TTC3: variants seen among roughly 807,000 people sequenced by gnomAD.
TTC3 encodes the protein E3 ubiquitin-protein ligase TTC3.
TTC3 carries 180 observed loss-of-function variants against 249.6 expected under a neutral mutation model. The observed-to-expected ratio is 0.72, with a 90% CI of 0.64 to 0.82. The LOEUF is 0.82. Among genes scored for constraint, TTC3 ranks in the 40% least tolerant of loss-of-function variants. TTC3 has a pLI of 0.00. For synonymous variants in TTC3, 717 were observed against 805.0 expected (o/e 0.89, Z 1.85); for missense variants, 2,061 against 2,398.4 (o/e 0.86, Z 2.94).
At chr21:37,095,227 A>C in intron 8 of TTC3, 123 bp from the exon 9 acceptor site, 1 of 641,408 alleles carries the variant, frequency 1.6e-6, no homozygotes, top group East Asian at 2.7e-5. Flanking sequence ...TTTTCTACAT[A>C]AATAATCCCC....
chr21:37,120,878 T>C (rs1447385379), intron 11 of TTC3, among the ~76,000 whole-genome samples: 1 of 152,214 alleles, frequency 6.6e-6, no homozygotes, highest in East Asian at 1.9e-4. Context: ...CTTTGTGAAA[T>C]GTGTAGTGAA....
At chr21:37,101,776 T>C (rs1415011797) in intron 10 of TTC3, among the ~76,000 whole-genome samples, 1 of 151,562 alleles carries the variant, frequency 6.6e-6, no homozygotes, top group Non-Finnish European at 1.5e-5. Context: ...GTTGTACATC[T>C]TGCTTTTTTT....
At chr21:37,156,313 G>T (rs1393375323) in intron 27 of TTC3, among the ~76,000 whole-genome samples, 8 of 151,824 alleles carry the variant, frequency 5.3e-5, no homozygotes, top group Non-Finnish European at 8.8e-5. Flanking sequence ...CTGGGGTTAC[G>T]GGCCTAAGCC....
intron 16 of TTC3, 51 bp downstream of exon 16, chr21:37,129,114 A>G (rs1277279645): frequency 3.7e-6 from 5 of 1,354,966 alleles, no homozygotes; most frequent in Non-Finnish European, 5.0e-6. Context: ...TACTCTTCCC[A>G]AGAAAAAGGA....
At chr21:37,167,128 A>G (rs2081318720) in intron 33 of TTC3, among the ~76,000 whole-genome samples, 2 of 152,192 alleles carry the variant, frequency 1.3e-5, no homozygotes, top group Admixed American at 6.5e-5. Flanking sequence ...TCTGACCTAC[A>G]CAGGCCCAGC....
intron 27 of TTC3, among the ~76,000 whole-genome samples, chr21:37,154,470 A>G (rs2079799246): frequency 6.6e-6 from 1 of 152,218 alleles, no homozygotes; most frequent in Non-Finnish European, 1.5e-5. Flanking sequence ...TTAAGTGACA[A>G]GATTGTCACT....
intron 11 of TTC3, among the ~76,000 whole-genome samples, chr21:37,119,117 G>T (rs1326410576): frequency 6.6e-6 from 1 of 152,112 alleles, no homozygotes; most frequent in Admixed American, 6.6e-5. Context: ...TACCTTGTTT[G>T]GTGCTGGATA....
At chr21:37,114,668 C>A (rs1052884264) in intron 11 of TTC3, among the ~76,000 whole-genome samples, 4 of 152,044 alleles carry the variant, frequency 2.6e-5, no homozygotes, top group Non-Finnish European at 5.9e-5. Flanking sequence ...TTGACCCAGC[C>A]ATCCCATTAC....
intron 10 of TTC3, 67 bp from the exon 11 acceptor site, chr21:37,108,325 A>T: frequency 5.4e-6 from 7 of 1,306,530 alleles, no homozygotes; most frequent in Non-Finnish European, 7.4e-6. Context: ...CAAAGTACAC[A>T]TATGCAAGAT....
chr21:37,131,255 G>C (rs180791653), intron 16 of TTC3, among the ~76,000 whole-genome samples: 3 of 152,138 alleles, frequency 2.0e-5, no homozygotes, highest in Non-Finnish European at 4.4e-5. Context: ...CCTGATTAGA[G>C]GGTTAAGACT....
chr21:37,088,303 A>C, exon 4 of TTC3: 1 of 1,613,648 alleles, frequency 6.2e-7, no homozygotes, highest in Non-Finnish European at 8.5e-7. Flanking sequence ...TCAACATCAA[A>C]ACAGTTCCGT....
chr21:37,157,480 A>G (rs1471642429), intron 28 of TTC3, among the ~76,000 whole-genome samples: 1 of 152,214 alleles, frequency 6.6e-6, no homozygotes, highest in Non-Finnish European at 1.5e-5. Flanking sequence ...AGAAAAGAGA[A>G]TAAGAAGCAT....
chr21:37,153,432 T>G (rs1005090400), intron 27 of TTC3, 155 bp downstream of exon 27: 2 of 739,620 alleles, frequency 2.7e-6, no homozygotes, highest in Non-Finnish European at 4.0e-6. Flanking sequence ...CCCAGCTACT[T>G]GGGAGGCGGA....
chr21:37,135,615 A>T (rs2147936921), intron 18 of TTC3, 101 bp downstream of exon 18: 2 of 1,388,930 alleles, frequency 1.4e-6, no homozygotes, highest in East Asian at 5.0e-5. Context: ...TGTACCTAAG[A>T]CCTTGCTGAG....
intron 35 of TTC3, among the ~76,000 whole-genome samples, chr21:37,174,086 T>C (rs1447649567): frequency 1.3e-5 from 2 of 152,200 alleles, no homozygotes; most frequent in Non-Finnish European, 2.9e-5. Flanking sequence ...GATATCTTTC[T>C]TTCTGGCCGA....
At chr21:37,141,842 A>G (rs1044568714) in intron 20 of TTC3, among the ~76,000 whole-genome samples, 1 of 152,226 alleles carries the variant, frequency 6.6e-6, no homozygotes, top group African/African-American at 2.4e-5. Context: ...CATCCATGCA[A>G]AAATCCTTAA....
intron 1 of TTC3, among the ~76,000 whole-genome samples, chr21:37,079,170 C>T (rs1287306582): frequency 6.6e-6 from 1 of 152,044 alleles, no homozygotes; most frequent in Non-Finnish European, 1.5e-5. Context: ...TGAGTTTGCT[C>T]ATATTTTATT....
intron 10 of TTC3, among the ~76,000 whole-genome samples, chr21:37,100,006 C>A (rs544580249): frequency 2.0e-4 from 30 of 152,230 alleles, no homozygotes; most frequent in African/African-American, 6.5e-4. Flanking sequence ...CACTGTGATG[C>A]CATTTATTAA....
In TTC3 at chr21:37,195,904, C is replaced by G. The variant is rs763830578; in HGVS notation, c.5447C>G (p.Ser1816Ter). Residue 1816 changes from serine (S) to a stop codon, truncating the protein, a stop_gained, in exon 42 of 46, where the codon TCA becomes TGA. Transcript: ENST00000355666. LOFTEE classifies it high-confidence loss of function. ...AAACGGGCTGGCCAGGCAGCTCTGTCAGAACGAAGCCCTGTGGCTGATCGG... is the reference window on the plus strand; with the variant it reads ...AAACGGGCTGGCCAGGCAGCTCTGTGAGAACGAAGCCCTGTGGCTGATCGG... 6.2e-6 allele frequency: 10 copies of G among 1,614,124 alleles called. No homozygotes were observed. Among genetic ancestry groups the G allele is most frequent in the South Asian group, 1.1e-5 (1 of 91,092 alleles).
Sources: allele counts gnomAD v4.1 joint callset (sites outside exome capture counted in the v4.1 genomes callset), GRCh38; gene constraint gnomAD v4.1.1; transcripts MANE v1.5; gene names NCBI Gene and HGNC (gene_info 2026-07-23, HGNC 2026-07-21).